Variants in ARID4A observed in about 807,000 individuals in gnomAD.
ARID4A encodes AT-rich interaction domain 4A.
A neutral mutation model predicts 148.6 loss-of-function variants in ARID4A; 39 were observed. That is an observed-to-expected ratio of 0.26 (90% CI 0.20 to 0.34). ARID4A has a LOEUF of 0.34. Ranked by LOEUF, ARID4A falls within the 10% of genes least tolerant of loss-of-function variation. The pLI, the probability that ARID4A is intolerant of heterozygous loss-of-function variation, is 1.00. For missense variants in ARID4A, 1,265 were observed against 1,449.1 expected (o/e 0.87, Z 2.06); for synonymous variants, 475 against 481.2 (o/e 0.99, Z 0.17).
intron 2 of ARID4A, among the ~76,000 whole-genome samples, chr14:58,300,451 G>A (rs2031057299): frequency 6.6e-6 from 1 of 152,138 alleles, no homozygotes. Flanking sequence ...CTCATATAGC[G>A]TTCTTGAATG....
At position 58,347,874 on chromosome 14, in the gene ARID4A, C is replaced by G. The variant is rs763944373; in HGVS notation, c.1400C>G (p.Pro467Arg). ...AGAGAAGAGATAGAATTAAAATCTC[C>G]GAGGGTGAGTTCTTAATACTAGTTT... Reference protein sequence around the residue: ...SEREEIELKSPRGRRRIARDV... With the variant: ...SEREEIELKSRRGRRRIARDV... Residue 467 changes from proline to arginine, a missense_variant, in exon 15 of 24, where the codon CCG becomes CGG. This residue lies in a region of ARID4A where 205 missense variants were observed against 196.9 expected (regional missense o/e 1.04). Transcript: ENST00000355431. 1 of 1,604,402 alleles carries G rather than the reference C, an allele frequency of 6.2e-7. No homozygotes were observed. The highest frequency in any genetic ancestry group is 8.5e-7 in the Non-Finnish European group (1 of 1,174,170).
At chr14:58,300,380 A>G (rs1177184417) in intron 2 of ARID4A, among the ~76,000 whole-genome samples, 1 of 152,248 alleles carries the variant, frequency 6.6e-6, no homozygotes. Flanking sequence ...TACTAAAAAG[A>G]TACATATTCT....
At chr14:58,316,240 A>C (rs925891949) in intron 5 of ARID4A, among the ~76,000 whole-genome samples, 7 of 152,206 alleles carry the variant, frequency 4.6e-5, no homozygotes, top group African/African-American at 1.4e-4. Flanking sequence ...GAATGGAAAA[A>C]AGTATCTAGA....
chr14:58,356,024 C>A (rs953166222), intron 17 of ARID4A, among the ~76,000 whole-genome samples: 2 of 152,182 alleles, frequency 1.3e-5, no homozygotes, highest in African/African-American at 4.8e-5. Flanking sequence ...TGGTATAATT[C>A]TGGCCTGTTC....
chr14:58,322,963 C>CCAAAA (rs1491222874), intron 7 of ARID4A, among the ~76,000 whole-genome samples: 1 of 42,246 alleles, frequency 2.4e-5, no homozygotes, highest in African/African-American at 1.1e-4. Flanking sequence ...ACTCCATTTC[C>CCAAAA]AAAAAAAAAA....
chr14:58,351,148 A>C lies in ARID4A; in HGVS notation c.1480A>C (p.Lys494Gln). 1 of 1,607,306 alleles carries C rather than the reference A, an allele frequency of 6.2e-7. No individual in the cohort carries two copies. The highest frequency in any genetic ancestry group is 8.5e-7 in the Non-Finnish European group (1 of 1,178,376). The change falls in exon 16 of 24, where the codon AAA becomes CAA. Residue 494 changes from lysine to glutamine, a missense_variant. By Grantham distance (53) the Lys-to-Gln change is moderately conservative (BLOSUM62 1). Transcript: ENST00000355431. ...AGAAGAGAAAACAGAAGACAAATTA[A>C]AAGATAATGATACAGAAAATAAGGA... is the stretch of plus-strand genomic sequence containing the variant. ...IEEEKTEDKL[K>Q]DNDTENKDVD...
intron 10 of ARID4A, 41 bp downstream of exon 10, chr14:58,329,645 C>A: frequency 2.0e-6 from 3 of 1,486,460 alleles, no homozygotes; most frequent in Non-Finnish European, 2.8e-6. Context: ...TATGTTGTGG[C>A]TCTATTTGGA....
intron 5 of ARID4A, among the ~76,000 whole-genome samples, chr14:58,313,381 G>A (rs2032187947): frequency 6.6e-6 from 1 of 152,148 alleles, no homozygotes; most frequent in Non-Finnish European, 1.5e-5. Context: ...CAACCTATTG[G>A]TAGATCCCTC....
chr14:58,329,972 A>G (rs1351212865), intron 10 of ARID4A, 31 bp from the exon 11 acceptor site: 2 of 1,579,174 alleles, frequency 1.3e-6, no homozygotes, highest in Non-Finnish European at 1.7e-6. Context: ...CCAATTCCAT[A>G]GCAACTGCTG....
At position 58,372,494 on chromosome 14, in the gene ARID4A, A is replaced by G. The variant is rs1210775403; in HGVS notation, c.*505A>G. ...ACTTGCTATTTAGAACTGCCAAAGT[A>G]TATGTTCAGCAGTGTGCCCAGGATT... On this transcript the variant is annotated 3_prime_UTR_variant, in exon 24 of 24. Transcript: ENST00000355431. The G allele has an allele frequency of 8.9e-6, 2 of 225,342 alleles. No homozygotes were observed. The allele number at this position is 225,342 out of a possible 1,614,324, so 14.0% of individuals were successfully genotyped here.
intron 14 of ARID4A, 142 bp downstream of exon 14, chr14:58,347,259 G>C (rs370215044): frequency 8.2e-6 from 4 of 484,974 alleles, no homozygotes; most frequent in African/African-American, 8.1e-5. Flanking sequence ...AGATACTTGT[G>C]ATTGAAAGTT....
At chr14:58,350,950 G>C (rs1463180643) in intron 15 of ARID4A, 123 bp from the exon 16 acceptor site, 1 of 867,404 alleles carries the variant, frequency 1.2e-6, no homozygotes, top group Non-Finnish European at 1.7e-6. Flanking sequence ...CCTTTGAGTT[G>C]GTTTTCAGGG....
chr14:58,331,589 TTGA>T lies in ARID4A; in HGVS notation c.906+1426_906+1428del, dbSNP rs763275939. The T allele has an allele frequency of 3.9e-5, 6 of 152,284 alleles. No homozygotes were observed. The South Asian group carries it at 6.2e-4, about 16-fold the overall frequency. The allele number at this position is 152,284 out of a possible 1,614,324, so 9.4% of individuals were successfully genotyped here. ...CGGGATTAAATAAGAATTTTAGGTA[TTGA>T]TGATGTAGCTGATAGGGAAGGACTC... On this transcript the variant is annotated intron_variant, in intron 11 of 23. Coordinates refer to ENST00000355431, the MANE Select transcript of ARID4A (RefSeq NM_002892.4).
At chr14:58,306,451 A>G (rs188240243) in intron 5 of ARID4A, among the ~76,000 whole-genome samples, 61 of 152,340 alleles carry the variant, frequency 4.0e-4, no homozygotes, top group African/African-American at 1.4e-3. Context: ...GTATTGCTAC[A>G]TATTTTATAC....
At chr14:58,366,779 C>A in intron 22 of ARID4A, 104 bp from the exon 23 acceptor site, 1 of 899,678 alleles carries the variant, frequency 1.1e-6, no homozygotes, top group Non-Finnish European at 1.6e-6. Flanking sequence ...TTTTAATAAA[C>A]TAAAGCTTTT....
intron 17 of ARID4A, among the ~76,000 whole-genome samples, chr14:58,358,593 C>A (rs118035267): frequency 0.028 from 4,276 of 152,030 alleles, 85 homozygotes; most frequent in South Asian, 0.047. Flanking sequence ...ATACAGATAT[C>A]TCTAAAAAAT....
At chr14:58,353,266 ATTT>A (rs1024881150) in intron 16 of ARID4A, among the ~76,000 whole-genome samples, 5 of 151,944 alleles carry the variant, frequency 3.3e-5, no homozygotes, top group Admixed American at 2.0e-4. Flanking sequence ...TTCAGAGCAT[ATTT>A]TTCTTATTTT....
Position 58,362,652 on chromosome 14 carries a change from G to A in ARID4A, c.2081-1518G>A, listed in dbSNP as rs138378187. Among the ~76,000 whole-genome samples, 745 of 151,914 alleles carry A rather than the reference G, an allele frequency of 4.9e-3. 7 individuals are homozygous for A. Among genetic ancestry groups the A allele is most frequent in the African/African-American group, 0.017 (688 of 41,466 alleles). On this transcript the variant is annotated intron_variant, in intron 19 of 23. Coordinates refer to ENST00000355431, the MANE Select transcript of ARID4A (RefSeq NM_002892.4). ...AGCTCCCTGCAACCTCCACCTCCTG[G>A]GTTCAAGCAGTTTTCCCACCTCAGT...
intron 7 of ARID4A, among the ~76,000 whole-genome samples, chr14:58,322,058 C>T (rs543640066): frequency 6.6e-6 from 1 of 151,994 alleles, no homozygotes; most frequent in Non-Finnish European, 1.5e-5. Flanking sequence ...GCAACCTCTG[C>T]CTCCCAGGTT....
Sources: gnomAD v4.1 joint callset for allele counts (sites outside exome capture counted in the v4.1 genomes callset) on GRCh38, gnomAD v4.1.1 for gene constraint, gnomAD v4.1.1 regional missense constraint, MANE v1.5 for transcripts, NCBI Gene and HGNC (gene_info 2026-07-23, HGNC 2026-07-21) for gene names.